The following KCTD5 variants were observed in gnomAD, a reference collection of about 807,000 sequenced individuals.
The protein encoded by KCTD5 is BTB/POZ domain-containing protein KCTD5.
Under a neutral mutation model 27.9 loss-of-function variants are expected in KCTD5, and 12 were observed. The ratio of observed to expected loss-of-function variants is 0.43; its 90% CI spans 0.28 to 0.70. KCTD5 has a LOEUF of 0.70. Ranked by LOEUF, KCTD5 falls within the 30% of genes least tolerant of loss-of-function variation. The pLI, the probability that KCTD5 is intolerant of heterozygous loss-of-function variation, is 0.19. For missense variants in KCTD5, 226 were observed against 274.8 expected (o/e 0.82, Z 1.26); for synonymous variants, 147 against 121.4 (o/e 1.21, Z -1.39).
intron 5 of KCTD5, among the ~76,000 whole-genome samples, chr16:2,702,748 A>G (rs2142058963): frequency 6.6e-6 from 1 of 152,220 alleles, no homozygotes; most frequent in African/African-American, 2.4e-5. Context: ...TAGGAATGCC[A>G]CTGAGGGCTG....
chr16:2,690,677 C>G (rs572971098), intron 1 of KCTD5, among the ~76,000 whole-genome samples: 2 of 152,334 alleles, frequency 1.3e-5, no homozygotes, highest in Admixed American at 1.3e-4. Flanking sequence ...CTCCTCATCC[C>G]AGTCGTAGAG....
intron 5 of KCTD5, among the ~76,000 whole-genome samples, chr16:2,704,487 C>T (rs1298464363): frequency 6.6e-6 from 1 of 152,238 alleles, no homozygotes; most frequent in African/African-American, 2.4e-5. Context: ...CACCTGCTTC[C>T]CACGCCAGTC....
At chr16:2,689,559 G>A (rs565602678) in intron 1 of KCTD5, among the ~76,000 whole-genome samples, 59 of 145,966 alleles carry the variant, frequency 4.0e-4, no homozygotes, top group South Asian at 2.3e-3. Flanking sequence ...CCGCAGGGCC[G>A]ACCCTCTTTG....
intron 5 of KCTD5, among the ~76,000 whole-genome samples, chr16:2,706,446 G>A (rs955755075): frequency 1.3e-5 from 2 of 152,186 alleles, no homozygotes; most frequent in Admixed American, 6.5e-5. Context: ...GGCTGGCTCC[G>A]AAGCTCTCTG....
chr16:2,684,770 A>T (rs550593135), intron 1 of KCTD5: 4 of 152,016 alleles, frequency 2.6e-5, no homozygotes, highest in South Asian at 2.1e-4. Flanking sequence ...ATCACAAAAA[A>T]AAAAAAATAA....
At chr16:2,699,572 A>G (rs1567195489) in intron 3 of KCTD5, among the ~76,000 whole-genome samples, 1 of 152,246 alleles carries the variant, frequency 6.6e-6, no homozygotes, top group Non-Finnish European at 1.5e-5. Flanking sequence ...GATTTCAGGA[A>G]CATGACTCAT....
intron 1 of KCTD5, chr16:2,683,029 A>C (rs1170080022): frequency 2.0e-6 from 1 of 511,448 alleles, no homozygotes; most frequent in African/African-American, 2.0e-5. Context: ...GAGGATCCTG[A>C]GTCGATTCAC....
chr16:2,705,966 A>G (rs1377357575), intron 5 of KCTD5, among the ~76,000 whole-genome samples: 1 of 152,030 alleles, frequency 6.6e-6, no homozygotes, highest in African/African-American at 2.4e-5. Flanking sequence ...TGCGCTACTT[A>G]GTTTTACACA....
At chr16:2,691,192 A>G (rs1217643324) in intron 1 of KCTD5, among the ~76,000 whole-genome samples, 1 of 152,178 alleles carries the variant, frequency 6.6e-6, no homozygotes, top group East Asian at 1.9e-4. Context: ...TGGATGTGGA[A>G]ATCTCTCATT....
At chr16:2,691,879 G>C (rs1490029277) in intron 1 of KCTD5, among the ~76,000 whole-genome samples, 4 of 152,228 alleles carry the variant, frequency 2.6e-5, no homozygotes, top group Non-Finnish European at 2.9e-5. Context: ...TTGATGGCTG[G>C]GTATTTTGCA....
At chr16:2,692,886 T>C (rs2067572767) in intron 1 of KCTD5, among the ~76,000 whole-genome samples, 1 of 152,264 alleles carries the variant, frequency 6.6e-6, no homozygotes, top group African/African-American at 2.4e-5. Context: ...AGAGGGGCCT[T>C]TCTGGGCCCC....
At chr16:2,706,897 G>T (rs2067639057) in intron 5 of KCTD5, among the ~76,000 whole-genome samples, 1 of 151,886 alleles carries the variant, frequency 6.6e-6, no homozygotes, top group Non-Finnish European at 1.5e-5. Context: ...GCGTCGGGGT[G>T]GGGGTGGGGG....
At chr16:2,699,265 C>T (rs1411106125) in intron 3 of KCTD5, 1 of 455,222 alleles carries the variant, frequency 2.2e-6, no homozygotes, top group Non-Finnish European at 4.4e-6. Context: ...CTCACCATCA[C>T]TCCCAGGACC....
intron 1 of KCTD5, among the ~76,000 whole-genome samples, chr16:2,689,583 G>A (rs2067556053): frequency 6.7e-6 from 1 of 149,068 alleles, no homozygotes; most frequent in Admixed American, 6.7e-5. Flanking sequence ...AGCTCTGGGA[G>A]CTGCGGGAGG....
In KCTD5 at chr16:2,703,238, G is replaced by A. The variant is rs973238052; in HGVS notation, c.675+760G>A. 5.3e-5 allele frequency among the ~76,000 whole-genome samples: 8 copies of A among 152,098 alleles called. No individual in the cohort carries two copies. In the East Asian group the frequency reaches 1.4e-3, roughly 26 times the overall value. On this transcript the variant is annotated intron_variant, in intron 5 of 5. Transcript: ENST00000301738. ...TTGAGGCTCCAAGATGGACAAATGC[G>A]TCCATCCAAGCAGAATCTGACCTTG...
intron 1 of KCTD5, among the ~76,000 whole-genome samples, chr16:2,689,474 C>T (rs2067555555): frequency 7.8e-6 from 1 of 128,040 alleles, no homozygotes; most frequent in Non-Finnish European, 1.7e-5. Flanking sequence ...CCTGGATTGG[C>T]TCAGGGCACT....
At chr16:2,688,228 A>AATAAATAAATATATAT (rs1555454256) in intron 1 of KCTD5, among the ~76,000 whole-genome samples, 3 of 84,580 alleles carry the variant, frequency 3.5e-5, no homozygotes, top group African/African-American at 1.2e-4. Context: ...TAAATAAATA[A>AATAAATAAATATATAT]ATATATATAT....
intron 4 of KCTD5, among the ~76,000 whole-genome samples, chr16:2,701,560 C>T (rs892606358): frequency 2.0e-5 from 3 of 152,220 alleles, no homozygotes; most frequent in Non-Finnish European, 2.9e-5. Flanking sequence ...TCCACTGCTG[C>T]CCACTGGGTC....
chr16:2,689,252 G>A (rs914851911), intron 1 of KCTD5, among the ~76,000 whole-genome samples: 6 of 2,284 alleles, frequency 2.6e-3, no homozygotes, highest in African/African-American at 8.2e-3. Flanking sequence ...CCTCTTGTGG[G>A]CCAAAGATAT....
Sources: gnomAD v4.1 joint callset for allele counts (sites outside exome capture counted in the v4.1 genomes callset) on GRCh38, gnomAD v4.1.1 for gene constraint, MANE v1.5 for transcripts, NCBI Gene and HGNC (gene_info 2026-07-23, HGNC 2026-07-21) for gene names.